The following TTLL6 variants were observed in gnomAD, a reference collection of about 807,000 sequenced individuals.
TTLL6 encodes the protein tubulin polyglutamylase TTLL6.
Under a neutral mutation model 96.4 loss-of-function variants are expected in TTLL6, and 75 were observed. The observed-to-expected ratio is 0.78, with a 90% CI of 0.65 to 0.94. The LOEUF (loss-of-function observed/expected upper bound fraction) is 0.94, where lower values mean the gene tolerates loss of function less well. Among genes scored for constraint, TTLL6 ranks in the 40% least tolerant of loss-of-function variants. The probability of loss-of-function intolerance (pLI) is 0.00; values close to 1 mark genes in which losing one functional copy is unlikely to be tolerated. For synonymous variants in TTLL6, 411 were observed against 419.4 expected (o/e 0.98, Z 0.24); for missense variants, 1,030 against 1,093.0 (o/e 0.94, Z 0.81).
At chr17:48,768,896 A>G in intron 15 of TTLL6, 93 bp downstream of exon 15, 1 of 1,321,620 alleles carries the variant, frequency 7.6e-7, no homozygotes, top group Non-Finnish European at 1.1e-6. Flanking sequence ...GTCTTTATCA[A>G]TCCATCCATC....
At chr17:48,771,042 C>T (rs1478708927) in intron 13 of TTLL6, among the ~76,000 whole-genome samples, 1 of 152,196 alleles carries the variant, frequency 6.6e-6, no homozygotes, top group African/African-American at 2.4e-5. Context: ...AGGACACCCA[C>T]AATCCACATG....
rs1187599470 is a variant in TTLL6, at chr17:48,801,551, G to A, written c.454C>T (p.Arg152Trp). The A allele has an allele frequency of 2.6e-6, 4 of 1,551,828 alleles. No individual in the cohort carries two copies. Among genetic ancestry groups the A allele is most frequent in the Middle Eastern group, 1.7e-4 (1 of 5,992 alleles). The change falls in exon 4 of 16, where the codon CGG becomes TGG. Residue 152 changes from arginine (R) to tryptophan (W), a missense_variant. Coordinates refer to ENST00000393382, the MANE Select transcript of TTLL6 (RefSeq NM_001130918.3). Reference sequence around the variant, plus strand: ...TGGTAACTTTTCATTTCCATCACCCGCTCCAGTGACACTGAGTAATCTGTC... The same window carrying A: ...TGGTAACTTTTCATTTCCATCACCCACTCCAGTGACACTGAGTAATCTGTC... Reference protein sequence around the residue: ...YWTDYSVSLERVMEMKSYQKI... With the variant: ...YWTDYSVSLEWVMEMKSYQKI...
intron 13 of TTLL6, among the ~76,000 whole-genome samples, chr17:48,774,833 T>C (rs2038839146): frequency 6.6e-6 from 1 of 152,074 alleles, no homozygotes; most frequent in Non-Finnish European, 1.5e-5. Context: ...AATATTTAGA[T>C]AAGAAATAAT....
intron 13 of TTLL6, among the ~76,000 whole-genome samples, chr17:48,777,834 C>G (rs1238156897): frequency 6.6e-6 from 1 of 152,054 alleles, no homozygotes; most frequent in Non-Finnish European, 1.5e-5. Context: ...TTGCTTGAAC[C>G]TGGGCGGCAG....
chr17:48,782,840 A>G (rs2039015282), intron 13 of TTLL6, among the ~76,000 whole-genome samples: 1 of 152,054 alleles, frequency 6.6e-6, no homozygotes, highest in South Asian at 2.1e-4. Flanking sequence ...CAGCCTCCCA[A>G]GTAGACGGGA....
At chr17:48,810,596 C>T (rs1053616920) in intron 1 of TTLL6, among the ~76,000 whole-genome samples, 6 of 151,710 alleles carry the variant, frequency 4.0e-5, no homozygotes, top group African/African-American at 7.3e-5. Flanking sequence ...TTCGGGAGGC[C>T]GAGGTAAGGG....
At chr17:48,802,359 T>G (rs1177087480) in intron 3 of TTLL6, among the ~76,000 whole-genome samples, 1 of 152,162 alleles carries the variant, frequency 6.6e-6, no homozygotes, top group African/African-American at 2.4e-5. Context: ...CAAGCTTAAT[T>G]AGTATATGGT....
At chr17:48,816,684 C>A (rs925681776) in intron 1 of TTLL6, among the ~76,000 whole-genome samples, 2 of 152,212 alleles carry the variant, frequency 1.3e-5, no homozygotes, top group South Asian at 2.1e-4. Context: ...TCCCAGGGAT[C>A]GCTGGTGTCT....
At chr17:48,802,646 G>C (rs376127181) in intron 3 of TTLL6, among the ~76,000 whole-genome samples, 1 of 152,154 alleles carries the variant, frequency 6.6e-6, no homozygotes, top group Non-Finnish European at 1.5e-5. Flanking sequence ...CAAGGTGGGC[G>C]GATCACCTGA....
At chr17:48,805,850 C>T (rs1189936697) in intron 1 of TTLL6, among the ~76,000 whole-genome samples, 1 of 152,170 alleles carries the variant, frequency 6.6e-6, no homozygotes, top group Non-Finnish European at 1.5e-5. Context: ...TGGCTTACAC[C>T]TGTAATCCCA....
At chr17:48,773,556 T>C (rs1324916218) in intron 13 of TTLL6, among the ~76,000 whole-genome samples, 1 of 151,968 alleles carries the variant, frequency 6.6e-6, no homozygotes, top group African/African-American at 2.4e-5. Flanking sequence ...ACCCAGACTC[T>C]ACTGAAAATA....
intron 15 of TTLL6, among the ~76,000 whole-genome samples, chr17:48,763,541 AATCCC>A (rs1194731185): frequency 1.3e-5 from 2 of 152,186 alleles, no homozygotes; most frequent in Admixed American, 1.3e-4. Flanking sequence ...TCATGCCTGT[AATCCC>A]AGCTCTTTGG....
chr17:48,804,407 G>A (rs1449607065), intron 2 of TTLL6: 1 of 492,216 alleles, frequency 2.0e-6, no homozygotes, highest in Non-Finnish European at 4.0e-6. Context: ...AGCTGCAGTT[G>A]GATCCTGATA....
At chr17:48,793,962 G>A (rs1222032430) in intron 8 of TTLL6, among the ~76,000 whole-genome samples, 1 of 152,132 alleles carries the variant, frequency 6.6e-6, no homozygotes, top group Non-Finnish European at 1.5e-5. Context: ...CAAGGAGAGA[G>A]AATACACCCA....
intron 13 of TTLL6, 137 bp downstream of exon 13, chr17:48,784,786 G>A: frequency 1.5e-6 from 1 of 658,606 alleles, no homozygotes; most frequent in East Asian, 2.7e-5. Flanking sequence ...TCCACAGTGT[G>A]GGCTTCTCAA....
At chr17:48,799,401 G>C (rs1322438276) in intron 6 of TTLL6, among the ~76,000 whole-genome samples, 2 of 152,232 alleles carry the variant, frequency 1.3e-5, no homozygotes, top group Non-Finnish European at 2.9e-5. Flanking sequence ...CAATTGACAA[G>C]GGTAAAAGGA....
At chr17:48,805,098 G>T in intron 1 of TTLL6, 107 bp from the exon 2 acceptor site, 1 of 908,094 alleles carries the variant, frequency 1.1e-6, no homozygotes, top group Non-Finnish European at 1.7e-6. Flanking sequence ...AACGCAACAG[G>T]TTGCAGTTTA....
intron 13 of TTLL6, among the ~76,000 whole-genome samples, chr17:48,771,984 G>C (rs1261881449): frequency 6.6e-6 from 1 of 151,888 alleles, no homozygotes; most frequent in Non-Finnish European, 1.5e-5. Context: ...CTGAGGCAGA[G>C]GAATCACTTG....
chr17:48,803,931 T>C lies in TTLL6; in HGVS notation c.324-3A>G, dbSNP rs2039466173. ...AGCTGGATAGATTGATCACCAATCA[T>C]CTGGAAAAGAGAAAAAGGAAAGCAG... On this transcript the variant is annotated splice_polypyrimidine_tract_variant and splice_region_variant and intron_variant, in intron 2 of 15. Coordinates refer to ENST00000393382, the MANE Select transcript of TTLL6 (RefSeq NM_001130918.3). 1 of 1,551,890 alleles carries C rather than the reference T, an allele frequency of 6.4e-7. No homozygotes were observed. The highest frequency in any genetic ancestry group is 8.7e-7 in the Non-Finnish European group (1 of 1,147,038).
Sources: allele counts gnomAD v4.1 joint callset (sites outside exome capture counted in the v4.1 genomes callset), GRCh38; gene constraint gnomAD v4.1.1; transcripts MANE v1.5; gene names NCBI Gene and HGNC (gene_info 2026-07-23, HGNC 2026-07-21).